ATRNL1: variants seen among roughly 807,000 people sequenced by gnomAD.
ATRNL1 encodes the protein attractin-like protein 1.
Under a neutral mutation model 182.7 loss-of-function variants are expected in ATRNL1, and 95 were observed. That is an observed-to-expected ratio of 0.52 (90% confidence interval 0.44 to 0.62). The LOEUF is 0.62. Ranked by LOEUF, ATRNL1 falls within the 20% of genes least tolerant of loss-of-function variation. The probability of loss-of-function intolerance (pLI) is 0.00; values close to 1 mark genes in which losing one functional copy is unlikely to be tolerated. For synonymous variants in ATRNL1, 576 were observed against 568.3 expected (o/e 1.01, Z -0.19); for missense variants, 1,471 against 1,679.5 (o/e 0.88, Z 2.17).
At chr10:115,417,491 C>A (rs1845447924) in intron 20 of ATRNL1, among the ~76,000 whole-genome samples, 1 of 152,184 alleles carries the variant, frequency 6.6e-6, no homozygotes, top group Admixed American at 6.5e-5. Context: ...CCCCCAGCTC[C>A]CCCCACTGTA....
At chr10:115,918,988 A>G (rs1370407900) in intron 28 of ATRNL1, among the ~76,000 whole-genome samples, 3 of 152,180 alleles carry the variant, frequency 2.0e-5, no homozygotes, top group Non-Finnish European at 4.4e-5. Context: ...AAGATGATTC[A>G]GCAATAAAAC....
rs566513160 is a variant in ATRNL1 at position 115,336,422 on chromosome 10, A to T, written c.3175+2003A>T. ...TTCTAAAAAGACCAAGGTTTTCAAGACAAGCTCTTTCTAAAGTGTTTCAGT... is the reference window on the plus strand; with the variant it reads ...TTCTAAAAAGACCAAGGTTTTCAAGTCAAGCTCTTTCTAAAGTGTTTCAGT... On this transcript the variant is annotated intron_variant, in intron 19 of 28. Transcript: ENST00000355044. Among the ~76,000 whole-genome samples the T allele has an allele frequency of 6.6e-5, 10 of 152,284 alleles. No homozygotes were observed. In the South Asian group the frequency reaches 2.1e-3, roughly 32 times the overall value.
chr10:115,467,040 C>A, intron 22 of ATRNL1, 134 bp from the exon 23 acceptor site: 1 of 568,912 alleles, frequency 1.8e-6, no homozygotes, highest in Non-Finnish European at 3.2e-6. Flanking sequence ...ATGGCATCTA[C>A]ATATATTCAG....
At chr10:115,254,859 G>A (rs1592330152) in intron 10 of ATRNL1, among the ~76,000 whole-genome samples, 1 of 152,144 alleles carries the variant, frequency 6.6e-6, no homozygotes, top group African/African-American at 2.4e-5. Flanking sequence ...CATATGGCTA[G>A]CCAGTTTTCC....
At chr10:115,292,577 T>C (rs1201818640) in intron 15 of ATRNL1, among the ~76,000 whole-genome samples, 1 of 152,110 alleles carries the variant, frequency 6.6e-6, no homozygotes, top group Admixed American at 6.5e-5. Flanking sequence ...TTTTCAGCAG[T>C]CTCAAGTAAT....
At chr10:115,346,636 TGTGA>T (rs1353555673) in intron 19 of ATRNL1, among the ~76,000 whole-genome samples, 10 of 152,200 alleles carry the variant, frequency 6.6e-5, no homozygotes, top group African/African-American at 2.4e-4. Flanking sequence ...CAAATATCTT[TGTGA>T]GTATTTGTGT....
At chr10:115,476,809 A>G (rs782089474) in intron 24 of ATRNL1, among the ~76,000 whole-genome samples, 2 of 150,562 alleles carry the variant, frequency 1.3e-5, no homozygotes, top group Admixed American at 6.7e-5. Context: ...TGTGAATATA[A>G]CCTCCCCTTA....
chr10:115,220,756 G>A (rs1394327454), intron 9 of ATRNL1, among the ~76,000 whole-genome samples: 2 of 129,628 alleles, frequency 1.5e-5, no homozygotes, highest in African/African-American at 2.8e-5. Flanking sequence ...GGCAGTGCCC[G>A]CATGGACTAA....
In ATRNL1 at chr10:115,488,299, C is replaced by G. The variant is rs1849125316; in HGVS notation, c.3654+18970C>G. On this transcript the variant is annotated intron_variant, in intron 24 of 28. Coordinates refer to ENST00000355044, the MANE Select transcript of ATRNL1 (RefSeq NM_207303.4). ...TGGAATAGTTTCAGAAGGAATGGTA[C>G]CAGTTCCTCTTGGTACCTCTGGTAG... Among the ~76,000 whole-genome samples, 4 of 152,158 alleles carry G rather than the reference C, an allele frequency of 2.6e-5. No homozygotes were observed. In the South Asian group the frequency reaches 8.3e-4, roughly 31 times the overall value.
At chr10:115,177,157 A>G (rs1016427326) in intron 8 of ATRNL1, among the ~76,000 whole-genome samples, 20 of 152,216 alleles carry the variant, frequency 1.3e-4, no homozygotes, top group African/African-American at 4.6e-4. Flanking sequence ...ACGGAGCCAC[A>G]TTCTGCTGAT....
At chr10:115,127,406 C>T (rs556439903) in intron 3 of ATRNL1, among the ~76,000 whole-genome samples, 187 bp from the exon 4 acceptor site, 2 of 152,214 alleles carry the variant, frequency 1.3e-5, no homozygotes, top group South Asian at 2.1e-4. Context: ...AGTGTATTGG[C>T]AGCAGTAGTA....
chr10:115,931,599 T>G (rs1199769418), intron 28 of ATRNL1, among the ~76,000 whole-genome samples: 1 of 152,224 alleles, frequency 6.6e-6, no homozygotes, highest in Non-Finnish European at 1.5e-5. Context: ...ATTCCCTTTA[T>G]TGACCTGAAA....
At chr10:115,867,323 A>G (rs571586295) in intron 28 of ATRNL1, among the ~76,000 whole-genome samples, 2 of 152,298 alleles carry the variant, frequency 1.3e-5, no homozygotes, top group South Asian at 2.1e-4. Context: ...TGTCATCTTG[A>G]TAACACATCT....
chr10:115,526,007 CAAGAA>C (rs1399148170), intron 25 of ATRNL1, among the ~76,000 whole-genome samples: 12 of 152,058 alleles, frequency 7.9e-5, no homozygotes, highest in African/African-American at 2.9e-4. Flanking sequence ...GTCTGGCAGC[CAAGAA>C]AAGAAGTGGT....
chr10:115,931,548 G>T (rs532304670), intron 28 of ATRNL1, among the ~76,000 whole-genome samples: 1 of 152,268 alleles, frequency 6.6e-6, no homozygotes, highest in South Asian at 2.1e-4. Context: ...AGAGCCTACT[G>T]CTCAGAAGAT....
At chr10:115,208,715 C>A (rs1044732769) in intron 8 of ATRNL1, among the ~76,000 whole-genome samples, 12 of 152,010 alleles carry the variant, frequency 7.9e-5, no homozygotes, top group African/African-American at 2.7e-4. Context: ...TTGGTCCTTT[C>A]CATAGCCTTA....
intron 24 of ATRNL1, among the ~76,000 whole-genome samples, chr10:115,491,069 A>C (rs907270183): frequency 9.2e-5 from 14 of 152,194 alleles, no homozygotes; most frequent in Non-Finnish European, 1.8e-4. Context: ...GAGCCAGCAA[A>C]ACAGCAAAGA....
At chr10:115,185,861 T>C (rs557036693) in intron 8 of ATRNL1, among the ~76,000 whole-genome samples, 44 of 152,178 alleles carry the variant, frequency 2.9e-4, no homozygotes, top group South Asian at 1.7e-3. Flanking sequence ...TGTGTGCCTT[T>C]GTATATAATA....
intron 28 of ATRNL1, among the ~76,000 whole-genome samples, chr10:115,889,685 T>C (rs1015672402): frequency 6.6e-6 from 1 of 152,304 alleles, no homozygotes; most frequent in African/African-American, 2.4e-5. Flanking sequence ...AGAATGTGCA[T>C]TGAACTCTGT....
Sources: gnomAD v4.1 joint callset for allele counts (sites outside exome capture counted in the v4.1 genomes callset) on GRCh38, gnomAD v4.1.1 for gene constraint, MANE v1.5 for transcripts, NCBI Gene and HGNC (gene_info 2026-07-23, HGNC 2026-07-21) for gene names.